Variants in FARP2 observed in about 807,000 individuals in gnomAD.
FARP2 encodes FERM, ARH/RhoGEF and pleckstrin domain protein 2, also known as FERM, ARHGEF and pleckstrin domain-containing protein 2.
FARP2 carries 111 observed loss-of-function variants against 130.5 expected under a neutral mutation model. The observed-to-expected ratio is 0.85, with a 90% CI of 0.73 to 1.00. The LOEUF is 1.00. Ranked by LOEUF, FARP2 falls within the 50% of genes least tolerant of loss-of-function variation. The probability of loss-of-function intolerance (pLI) is 0.00; values close to 1 mark genes in which losing one functional copy is unlikely to be tolerated. For missense variants in FARP2, 1,385 were observed against 1,346.3 expected (o/e 1.03, Z -0.45); for synonymous variants, 504 against 516.9 (o/e 0.98, Z 0.34).
chr2:241,486,072 G>T (rs1433480615), intron 21 of FARP2, among the ~76,000 whole-genome samples: 1 of 152,302 alleles, frequency 6.6e-6, no homozygotes. Context: ...ACCGGAAGCA[G>T]ACCCCATTTG....
chr2:241,421,345 A>T (rs910400562), intron 8 of FARP2, among the ~76,000 whole-genome samples: 1 of 152,150 alleles, frequency 6.6e-6, no homozygotes, highest in Non-Finnish European at 1.5e-5. Flanking sequence ...ACAAATCCCT[A>T]AGAAGGAGGC....
Position 241,403,757 on chromosome 2 carries a change from GCA to G in FARP2, c.184-68_184-67del, listed in dbSNP as rs1269303777. 4.6e-6 allele frequency: 4 copies of G among 869,174 alleles called. No homozygotes were observed. In the East Asian group the frequency reaches 7.7e-5, roughly 17 times the overall value. The allele number at this position is 869,174 out of a possible 1,614,324, so 53.8% of individuals were successfully genotyped here. A position where few individuals can be genotyped will look rare whatever the true frequency, so the allele number is the denominator to read the frequency against. On this transcript the variant is annotated intron_variant, in intron 2 of 26. Transcript: ENST00000264042. ...TTTATGTGTGGGAAAGTAGTTTTAT[GCA>G]CAGTTTTCATAAACCCTTGCTGTTT...
intron 13 of FARP2, 56 bp downstream of exon 13, chr2:241,441,612 G>A: frequency 6.2e-7 from 1 of 1,612,624 alleles, no homozygotes; most frequent in Non-Finnish European, 8.5e-7. Flanking sequence ...CTGGGGGGCA[G>A]AGTTTCAGTG....
chr2:241,399,345 G>T (rs1270515347), intron 2 of FARP2, among the ~76,000 whole-genome samples: 1 of 152,104 alleles, frequency 6.6e-6, no homozygotes, highest in Non-Finnish European at 1.5e-5. Flanking sequence ...TAGCTCTCTC[G>T]CACAGGCTGG....
At chr2:241,445,166 C>A (rs1142802) in intron 13 of FARP2, 109,393 of 149,978 alleles carry the variant, frequency 0.73, 40,448 homozygotes, top group Middle Eastern at 0.85. Flanking sequence ...TCCTGGGCTC[C>A]AGCAGTCCTC....
rs564695257 is a variant in FARP2, at chr2:241,416,317, A to G, written c.624-1645A>G. Among the ~76,000 whole-genome samples the G allele has an allele frequency of 2.0e-5, 3 of 152,204 alleles. No individual in the cohort carries two copies. In the South Asian group the frequency reaches 6.2e-4, roughly 32 times the overall value. On this transcript the variant is annotated intron_variant, in intron 7 of 26. Transcript: ENST00000264042. ...CATGTGGTCTGCTTCATACGGGAAT[A>G]CAGTTGAACTCTTGCCGAATAAGCC...
At chr2:241,480,077 C>A (rs1404946424) in intron 19 of FARP2, among the ~76,000 whole-genome samples, 2 of 152,200 alleles carry the variant, frequency 1.3e-5, no homozygotes, top group Non-Finnish European at 2.9e-5. Context: ...GTTGTAGGGA[C>A]CTGTCAGAGT....
At chr2:241,491,405 C>T in intron 23 of FARP2, 111 bp from the exon 24 acceptor site, 2 of 1,247,138 alleles carry the variant, frequency 1.6e-6, no homozygotes, top group South Asian at 2.7e-5. Context: ...GGCCTAGCAC[C>T]AAGGGCTCCC....
chr2:241,418,667 T>C (rs1361020942), intron 8 of FARP2, among the ~76,000 whole-genome samples: 1 of 152,184 alleles, frequency 6.6e-6, no homozygotes, highest in Non-Finnish European at 1.5e-5. Context: ...CATAGGTAAA[T>C]AATTACATAA....
intron 6 of FARP2, among the ~76,000 whole-genome samples, chr2:241,412,224 C>A (rs146285736): frequency 1.3e-5 from 2 of 152,128 alleles, no homozygotes; most frequent in African/African-American, 4.8e-5. Flanking sequence ...CTTGTAAAAT[C>A]ATCAGATCTC....
intron 7 of FARP2, among the ~76,000 whole-genome samples, chr2:241,413,979 C>G (rs1447145127): frequency 8.7e-5 from 13 of 149,336 alleles, no homozygotes; most frequent in Non-Finnish European, 1.3e-4. Flanking sequence ...ACATCAGGGT[C>G]TGGGGGAGGA....
chr2:241,402,865 TATATATATATA>T (rs2062220243), intron 2 of FARP2, among the ~76,000 whole-genome samples: 2 of 16,478 alleles, frequency 1.2e-4, no homozygotes, highest in Non-Finnish European at 1.3e-4. Flanking sequence ...TATATATATA[TATATATATATA>T]TATATTTTTT....
chr2:241,468,259 CT>C lies in FARP2; in HGVS notation c.2015del (p.Leu672CysfsTer8). On this transcript the variant is annotated frameshift_variant, in exon 18 of 27. Transcript: ENST00000264042. LOFTEE classifies it high-confidence loss of function. ...KEFELQKVCY[L>X]PLNTFLLKPI... Reference sequence around the variant, plus strand: ...AGTTTGAGCTGCAGAAGGTCTGCTACTTGCCTCTCAACACGTTCCTGCTGAA... The same window carrying C: ...AGTTTGAGCTGCAGAAGGTCTGCTACTGCCTCTCAACACGTTCCTGCTGAA... The C allele has an allele frequency of 6.2e-7, 1 of 1,614,014 alleles. No individual in the cohort carries two copies. Among genetic ancestry groups the C allele is most frequent in the Non-Finnish European group, 8.5e-7 (1 of 1,179,968 alleles).
chr2:241,449,792 T>G (rs984379688), intron 13 of FARP2, among the ~76,000 whole-genome samples: 1 of 151,358 alleles, frequency 6.6e-6, no homozygotes, highest in Non-Finnish European at 1.5e-5. Flanking sequence ...AGGTCAGGAG[T>G]TCGAGACTAG....
chr2:241,445,231 C>G (rs2063485179), intron 13 of FARP2: 1 of 123,784 alleles, frequency 8.1e-6, no homozygotes, highest in Non-Finnish European at 1.6e-5. Flanking sequence ...GGTGCTAGAG[C>G]GAGGCCCTGT....
At chr2:241,417,841 A>G (rs1459697104) in intron 7 of FARP2, 121 bp from the exon 8 acceptor site, 9 of 1,064,894 alleles carry the variant, frequency 8.5e-6, no homozygotes, top group East Asian at 4.9e-5. Context: ...ACAGTGAACC[A>G]TCTGCCCTCT....
chr2:241,494,058 G>A lies in FARP2; in HGVS notation c.3098G>A (p.Ser1033Asn). 5.6e-6 allele frequency: 8 copies of A among 1,429,050 alleles called. No individual in the cohort carries two copies. Among genetic ancestry groups the A allele is most frequent in the Non-Finnish European group, 7.3e-6 (8 of 1,091,574 alleles). 88.5% of individuals were successfully genotyped at this position (1,429,050 alleles called of 1,614,324 possible). Reference protein sequence around the residue: ...GASSSAGRAPSIVQDGPQPSS... With the variant: ...GASSSAGRAPNIVQDGPQPSS... The stretch of plus-strand genomic sequence containing the variant: ...AGCAGCTCAGCCGGGAGGGCCCCAA[G>A]CATCGTGCAGGATGGCCCCCAACCC... Residue 1033 changes from serine to asparagine, a missense_variant, in exon 27 of 27, where the codon AGC becomes AAC. Coordinates refer to ENST00000264042, the MANE Select transcript of FARP2 (RefSeq NM_014808.4). The surrounding 1 kb of genome is among the most constrained non-coding windows in gnomAD (Gnocchi z 4.9).
At chr2:241,385,355 T>A (rs2061759629) in intron 2 of FARP2, among the ~76,000 whole-genome samples, 1 of 152,150 alleles carries the variant, frequency 6.6e-6, no homozygotes, top group Non-Finnish European at 1.5e-5. Flanking sequence ...ATTGTATGTT[T>A]TCTACCTTAG....
intron 8 of FARP2, among the ~76,000 whole-genome samples, chr2:241,424,695 A>G (rs2062887516): frequency 7.0e-6 from 1 of 143,102 alleles, no homozygotes; most frequent in Non-Finnish European, 1.5e-5. Context: ...TTAATAAAAT[A>G]GACTGCTAGC....
Sources: gnomAD v4.1 joint callset for allele counts (sites outside exome capture counted in the v4.1 genomes callset) on GRCh38, gnomAD v4.1.1 for gene constraint, Gnocchi (gnomAD v3.1) non-coding constraint, MANE v1.5 for transcripts, NCBI Gene and HGNC (gene_info 2026-07-23, HGNC 2026-07-21) for gene names.